SYT17: variants seen among roughly 807,000 people sequenced by gnomAD.
SYT17 encodes synaptotagmin-17.
SYT17 carries 22 observed loss-of-function variants against 46.7 expected under a neutral mutation model. The observed-to-expected ratio is 0.47, with a 90% CI of 0.34 to 0.67. The LOEUF (loss-of-function observed/expected upper bound fraction) is 0.67, where lower values mean the gene tolerates loss of function less well. Among genes scored for constraint, SYT17 ranks in the 30% least tolerant of loss-of-function variants. The probability of loss-of-function intolerance (pLI) is 0.01; values close to 1 mark genes in which losing one functional copy is unlikely to be tolerated. For missense variants in SYT17, 519 were observed against 612.8 expected (o/e 0.85, Z 1.62); for synonymous variants, 251 against 248.4 (o/e 1.01, Z -0.10).
intron 7 of SYT17, among the ~76,000 whole-genome samples, chr16:19,265,886 A>G (rs1268913276): frequency 6.6e-6 from 1 of 152,228 alleles, no homozygotes; most frequent in Admixed American, 6.5e-5. Context: ...CAAGGGGTGG[A>G]AGAAGTTGCC....
intron 5 of SYT17, among the ~76,000 whole-genome samples, chr16:19,204,097 G>A (rs1047247758): frequency 5.3e-5 from 8 of 152,172 alleles, no homozygotes; most frequent in Admixed American, 5.2e-4. Context: ...GGTGGACCTA[G>A]AGCAGGGATT....
chr16:19,222,931 A>G, intron 5 of SYT17, 114 bp from the exon 6 acceptor site: 1 of 1,407,876 alleles, frequency 7.1e-7, no homozygotes, highest in Non-Finnish European at 9.7e-7. Context: ...CCCACTGTCA[A>G]CTGATGCGCT....
At chr16:19,179,057 G>A (rs1008878661) in intron 3 of SYT17, among the ~76,000 whole-genome samples, 3 of 146,374 alleles carry the variant, frequency 2.0e-5, no homozygotes, top group Non-Finnish European at 4.5e-5. Context: ...TGAATTGATC[G>A]ATCAATCAAT....
intron 7 of SYT17, among the ~76,000 whole-genome samples, chr16:19,255,240 G>A (rs562384812): frequency 3.3e-5 from 5 of 152,202 alleles, no homozygotes; most frequent in African/African-American, 7.2e-5. Context: ...GGGAGGCTTC[G>A]GTTTTAATGA....
chr16:19,227,127 G>T (rs1477606536), intron 7 of SYT17, among the ~76,000 whole-genome samples: 1 of 152,160 alleles, frequency 6.6e-6, no homozygotes, highest in Non-Finnish European at 1.5e-5. Flanking sequence ...TTTGCATTCA[G>T]TGAGATCAAT....
chr16:19,178,342 C>T (rs1964404704), intron 3 of SYT17, among the ~76,000 whole-genome samples: 4 of 152,050 alleles, frequency 2.6e-5, no homozygotes, highest in Admixed American at 2.6e-4. Flanking sequence ...GCCTCAGCCT[C>T]CCAAAATGCT....
intron 5 of SYT17, among the ~76,000 whole-genome samples, chr16:19,185,014 C>T (rs1176357332): frequency 6.6e-6 from 1 of 152,104 alleles, no homozygotes; most frequent in African/African-American, 2.4e-5. Flanking sequence ...TAACTGTCTA[C>T]CCATTGTAGG....
At chr16:19,213,457 G>T (rs981416600) in intron 5 of SYT17, among the ~76,000 whole-genome samples, 1 of 152,212 alleles carries the variant, frequency 6.6e-6, no homozygotes, top group South Asian at 2.1e-4. Flanking sequence ...ATAAGGACCA[G>T]TGGAAGAGTT....
chr16:19,239,519 A>G (rs1966934094), intron 7 of SYT17, among the ~76,000 whole-genome samples: 1 of 152,140 alleles, frequency 6.6e-6, no homozygotes, highest in Non-Finnish European at 1.5e-5. Context: ...CTTCTATCAG[A>G]TGCATATAAA....
chr16:19,188,958 T>C lies in SYT17; in HGVS notation c.951+4811T>C, dbSNP rs147611447. On this transcript the variant is annotated intron_variant, in intron 5 of 7. Coordinates refer to ENST00000355377, the MANE Select transcript of SYT17 (RefSeq NM_016524.4). ...CTGGAGTGCAGTGGTGCGATCTCGG[T>C]TCACTGCAAGCTCCGCCTCCCGGGT... Among the ~76,000 whole-genome samples, 774 of 151,586 alleles carry C rather than the reference T, an allele frequency of 5.1e-3. 8 individuals carry two copies. The highest frequency in any genetic ancestry group is 0.018 in the African/African-American group (745 of 41,316).
Position 19,186,053 on chromosome 16 carries a change from C to T in SYT17, c.951+1906C>T, listed in dbSNP as rs567285012. The stretch of plus-strand genomic sequence containing the variant: ...TCCTTTCCATTTGAAGAGGGACAGC[C>T]GGGCCTGTTTCAGGTCACTGCGGGA... On this transcript the variant is annotated intron_variant, in intron 5 of 7. Coordinates refer to ENST00000355377, the MANE Select transcript of SYT17 (RefSeq NM_016524.4). 1.8e-4 allele frequency among the ~76,000 whole-genome samples: 28 copies of T among 152,262 alleles called. No individual in the cohort carries two copies. The South Asian group carries it at 2.3e-3, about 12-fold the overall frequency.
chr16:19,184,240 T>A (rs1028572270), intron 5 of SYT17, 93 bp downstream of exon 5: 3 of 1,442,256 alleles, frequency 2.1e-6, no homozygotes, highest in Non-Finnish European at 2.8e-6. Flanking sequence ...CTTTTTTGGA[T>A]TTTTAAAACT....
At position 19,257,955 on chromosome 16, in the gene SYT17, T is replaced by G. The variant is rs990042997; in HGVS notation, c.1229-8925T>G. On this transcript the variant is annotated intron_variant, in intron 7 of 7. Transcript: ENST00000355377. ...AGTCTGCTCCCATTGGTAAAGATGTTTTTTTTTTTTCCTTTTAATTTGCAG... is the reference window on the plus strand; with the variant it reads ...AGTCTGCTCCCATTGGTAAAGATGTGTTTTTTTTTTCCTTTTAATTTGCAG... Among the ~76,000 whole-genome samples, 9 of 21,364 alleles carry G rather than the reference T, an allele frequency of 4.2e-4. No homozygotes were observed. The East Asian group carries it at 0.19, about 445-fold the overall frequency. The allele number at this position is 21,364 out of a possible 152,430, so 14.0% of individuals were successfully genotyped here.
intron 5 of SYT17, among the ~76,000 whole-genome samples, chr16:19,210,899 C>T (rs1194798945): frequency 6.6e-5 from 10 of 152,184 alleles, no homozygotes; most frequent in Admixed American, 6.6e-4. Context: ...CAAAGCAAAC[C>T]TGTCAGGAGG....
chr16:19,256,711 T>C (rs1345912933), intron 7 of SYT17, among the ~76,000 whole-genome samples: 3 of 152,050 alleles, frequency 2.0e-5, no homozygotes, highest in Admixed American at 6.6e-5. Flanking sequence ...CCCAAGTAGC[T>C]GGGACCACAG....
At chr16:19,196,404 G>A (rs1046236192) in intron 5 of SYT17, among the ~76,000 whole-genome samples, 9 of 151,766 alleles carry the variant, frequency 5.9e-5, no homozygotes, top group African/African-American at 1.9e-4. Flanking sequence ...CACCACACCC[G>A]GTTAATTTTT....
At chr16:19,177,941 T>C (rs1964379809) in intron 3 of SYT17, among the ~76,000 whole-genome samples, 1 of 152,188 alleles carries the variant, frequency 6.6e-6, no homozygotes. Context: ...TGTGTGCCAT[T>C]TAGAGTTTAG....
At chr16:19,187,206 TA>T (rs1156399312) in intron 5 of SYT17, among the ~76,000 whole-genome samples, 2 of 152,082 alleles carry the variant, frequency 1.3e-5, no homozygotes, top group East Asian at 3.9e-4. Flanking sequence ...GGTTAGTTTT[TA>T]AAAAAATACA....
intron 7 of SYT17, among the ~76,000 whole-genome samples, chr16:19,247,615 G>A (rs1205803373): frequency 1.3e-5 from 2 of 152,144 alleles, no homozygotes; most frequent in Non-Finnish European, 2.9e-5. Flanking sequence ...AGCTCAGGGA[G>A]GTCCCAACTC....
Sources: gnomAD v4.1 joint callset for allele counts (sites outside exome capture counted in the v4.1 genomes callset) on GRCh38, gnomAD v4.1.1 for gene constraint, MANE v1.5 for transcripts, NCBI Gene and HGNC (gene_info 2026-07-23, HGNC 2026-07-21) for gene names.